ADAP1: variants seen among roughly 807,000 people sequenced by gnomAD.
ADAP1 encodes ArfGAP with dual PH domains 1.
A neutral mutation model predicts 54.9 loss-of-function variants in ADAP1; 31 were observed. The observed-to-expected ratio is 0.56, with a 90% CI of 0.42 to 0.76. ADAP1 has a LOEUF of 0.76. Among genes scored for constraint, ADAP1 ranks in the 30% least tolerant of loss-of-function variants. The pLI, the probability that ADAP1 is intolerant of heterozygous loss-of-function variation, is 0.00. For missense variants in ADAP1, 535 were observed against 512.4 expected, an observed-to-expected ratio of 1.04 and a Z score of -0.42; for synonymous variants, 313 against 202.6, an observed-to-expected ratio of 1.55 and a Z score of -4.63.
chr7:900,873 G>A (rs546821065), intron 6 of ADAP1: 11 of 509,048 alleles, frequency 2.2e-5, no homozygotes, highest in Middle Eastern at 4.2e-4. Context: ...GAGAAGGGCC[G>A]AAGGGCCGAA....
chr7:900,996 T>G (rs1281759268), intron 6 of ADAP1: 4 of 493,670 alleles, frequency 8.1e-6, no homozygotes, highest in Non-Finnish European at 1.6e-5. Flanking sequence ...ATGGTGCTAT[T>G]TTTATGAAGA....
At chr7:947,083 A>T (rs186222392) in intron 1 of ADAP1, among the ~76,000 whole-genome samples, 2 of 151,906 alleles carry the variant, frequency 1.3e-5, no homozygotes, top group Non-Finnish European at 2.9e-5. Flanking sequence ...TCTGTCACTC[A>T]GGCTGGAGTG....
intron 4 of ADAP1, among the ~76,000 whole-genome samples, chr7:915,422 G>A (rs1583153210): frequency 6.6e-6 from 1 of 152,238 alleles, no homozygotes; most frequent in African/African-American, 2.4e-5. Context: ...CTGCGGACGT[G>A]GCCGCCCCGC....
chr7:904,681 T>C (rs1845006522), intron 5 of ADAP1, among the ~76,000 whole-genome samples: 1 of 152,204 alleles, frequency 6.6e-6, no homozygotes, highest in South Asian at 2.1e-4. Flanking sequence ...ACCCCACTGT[T>C]CTTGCCAATG....
chr7:928,902 G>C (rs117344976), intron 2 of ADAP1, among the ~76,000 whole-genome samples: 3 of 152,226 alleles, frequency 2.0e-5, no homozygotes, highest in East Asian at 1.9e-4. Flanking sequence ...CACATTCTTC[G>C]TGACAGCTGA....
rs939761666 is a variant in ADAP1, at chr7:898,636, G to A, written c.*285C>T. On this transcript the variant is annotated 3_prime_UTR_variant, in exon 11 of 11. Coordinates refer to ENST00000265846, the MANE Select transcript of ADAP1 (RefSeq NM_006869.4). ...TGTCTGAGCTCGGGAGCCAGACTGG[G>A]CCCTGGAGGAAAGGGGGCCCCGGGT... 7.9e-6 allele frequency: 4 copies of A among 506,888 alleles called. No individual in the cohort carries two copies. Among genetic ancestry groups the A allele is most frequent in the Non-Finnish European group, 1.4e-5 (4 of 277,476 alleles). The allele number at this position is 506,888 out of a possible 1,614,324, so 31.4% of individuals were successfully genotyped here. A position where few individuals can be genotyped will look rare whatever the true frequency, so the allele number is the denominator to read the frequency against.
intron 4 of ADAP1, among the ~76,000 whole-genome samples, chr7:916,370 A>C (rs1845933062): frequency 6.6e-6 from 1 of 152,170 alleles, no homozygotes; most frequent in African/African-American, 2.4e-5. Flanking sequence ...TTTTGCTGAC[A>C]CCCAGTGAAG....
In ADAP1 at chr7:929,986, T is replaced by C. The variant is rs1485419462; in HGVS notation, c.214-3342A>G. On this transcript the variant is annotated intron_variant, in intron 2 of 10. Transcript: ENST00000265846. ...AGGCGTGGTGGTGCACGTCTGTAGTTCCATCTACTCAGGAGGCTGAGGTGA... is the reference window on the plus strand; with the variant it reads ...AGGCGTGGTGGTGCACGTCTGTAGTCCCATCTACTCAGGAGGCTGAGGTGA... Among the ~76,000 whole-genome samples the C allele has an allele frequency of 6.7e-5, 10 of 149,678 alleles. No individual in the cohort carries two copies. The Admixed American group carries it at 6.7e-4, about 10-fold the overall frequency.
chr7:929,637 C>T (rs1193045321), intron 2 of ADAP1, among the ~76,000 whole-genome samples: 5 of 151,170 alleles, frequency 3.3e-5, no homozygotes, highest in Non-Finnish European at 5.9e-5. Context: ...ACGGCTGGGG[C>T]GGTGGTGATG....
intron 1 of ADAP1, among the ~76,000 whole-genome samples, chr7:940,489 A>G (rs549379720): frequency 6.6e-6 from 1 of 152,324 alleles, no homozygotes; most frequent in Admixed American, 6.5e-5. Context: ...AGTTTGTATC[A>G]TTTTTAAAAA....
chr7:913,310 C>T (rs1845799990), intron 4 of ADAP1, among the ~76,000 whole-genome samples: 1 of 151,016 alleles, frequency 6.6e-6, no homozygotes, highest in Non-Finnish European at 1.5e-5. Context: ...ACACCATTCT[C>T]CTGCCTCAGC....
chr7:904,498 T>C (rs990783084), intron 5 of ADAP1, among the ~76,000 whole-genome samples: 2 of 152,140 alleles, frequency 1.3e-5, no homozygotes, highest in Non-Finnish European at 2.9e-5. Context: ...CAGGTGGCAC[T>C]TGACATCAGA....
intron 2 of ADAP1, among the ~76,000 whole-genome samples, chr7:929,636 G>A (rs1398709142): frequency 6.6e-6 from 1 of 152,038 alleles, no homozygotes; most frequent in African/African-American, 2.4e-5. Context: ...AACGGCTGGG[G>A]CGGTGGTGAT....
intron 1 of ADAP1, among the ~76,000 whole-genome samples, chr7:950,137 C>G (rs1847232099): frequency 6.6e-6 from 1 of 152,240 alleles, no homozygotes; most frequent in African/African-American, 2.4e-5. Context: ...CAGCACTCGC[C>G]ACAGCATCTG....
intron 4 of ADAP1, among the ~76,000 whole-genome samples, chr7:918,968 GCTTGGCCAGCTA>G (rs1846048562): frequency 2.0e-5 from 3 of 151,816 alleles, no homozygotes; most frequent in Non-Finnish European, 4.4e-5. Context: ...ACAGCCAGAG[GCTTGGCCAGCTA>G]AGCAGCACTG....
At chr7:935,181 G>A in intron 2 of ADAP1, 194 bp downstream of exon 2, 4 of 785,978 alleles carry the variant, frequency 5.1e-6, no homozygotes, top group Non-Finnish European at 4.4e-6. Flanking sequence ...GACCCGGCAC[G>A]GGGTGGGTGG....
chr7:945,701 G>A lies in ADAP1; in HGVS notation c.82+8695C>T, dbSNP rs559234722. 3.1e-6 allele frequency: 3 copies of A among 979,092 alleles called. No homozygotes were observed. Among genetic ancestry groups the A allele is most frequent in the East Asian group, 1.1e-4 (1 of 8,778 alleles). The allele number at this position is 979,092 out of a possible 1,614,324, so 60.7% of individuals were successfully genotyped here. A position where few individuals can be genotyped will look rare whatever the true frequency, so the allele number is the denominator to read the frequency against. Reference sequence around the variant, plus strand: ...CGTCTCCAGGAGCTGCCTCCTCCTCGGAGACTGCCCACAGCCGCCAGCCTC... The same window carrying A: ...CGTCTCCAGGAGCTGCCTCCTCCTCAGAGACTGCCCACAGCCGCCAGCCTC... On this transcript the variant is annotated intron_variant, in intron 1 of 10. Coordinates refer to ENST00000265846, the MANE Select transcript of ADAP1 (RefSeq NM_006869.4). This position sits in a 1 kb window ranked among gnomAD's most constrained non-coding sequence, Gnocchi z 4.2.
At chr7:929,670 G>C (rs1323400295) in intron 2 of ADAP1, among the ~76,000 whole-genome samples, 1 of 152,128 alleles carries the variant, frequency 6.6e-6, no homozygotes, top group Non-Finnish European at 1.5e-5. Flanking sequence ...AGTACCGGCT[G>C]TGTTGGGACG....
intron 4 of ADAP1, 101 bp downstream of exon 4, chr7:919,867 G>GGAGGGAAAGAGATGGGGGAGA: frequency 1.9e-6 from 1 of 527,980 alleles, no homozygotes; most frequent in Non-Finnish European, 3.2e-6. Flanking sequence ...GATGGGGGAG[G>GGAGGGAAAGAGATGGGGGAGA]GAGGGAAAGA....
Sources: allele counts gnomAD v4.1 joint callset (sites outside exome capture counted in the v4.1 genomes callset), GRCh38; gene constraint gnomAD v4.1.1; non-coding constraint Gnocchi (gnomAD v3.1); transcripts MANE v1.5; gene names NCBI Gene and HGNC (gene_info 2026-07-23, HGNC 2026-07-21).